Variants in ANXA4 observed in about 807,000 individuals in gnomAD.
ANXA4 encodes the protein annexin A4, also known as 35-beta calcimedin.
A neutral mutation model predicts 49.8 loss-of-function variants in ANXA4; 39 were observed. The observed-to-expected ratio is 0.78, with a 90% CI of 0.61 to 1.02. The LOEUF (loss-of-function observed/expected upper bound fraction) is 1.02. Ranked by LOEUF, ANXA4 falls within the 50% of genes least tolerant of loss-of-function variation. The pLI is 0.00. For missense variants in ANXA4, 360 were observed against 410.1 expected, an observed-to-expected ratio of 0.88 and a Z score of 1.05; for synonymous variants, 134 against 152.5, an observed-to-expected ratio of 0.88 and a Z score of 0.89.
intron 1 of ANXA4, among the ~76,000 whole-genome samples, chr2:69,768,641 G>A (rs1380095771): frequency 2.0e-5 from 3 of 152,244 alleles, no homozygotes; most frequent in Non-Finnish European, 4.4e-5. Context: ...TGTTGAATGA[G>A]TAGGTGAATG....
intron 3 of ANXA4, among the ~76,000 whole-genome samples, chr2:69,721,133 C>G (rs6761399): frequency 0.28 from 42,759 of 152,228 alleles, 9,391 homozygotes; most frequent in African/African-American, 0.59. Context: ...TGCTGCTTCA[C>G]ATGTGGCATG....
chr2:69,811,129 G>C (rs1053498619), intron 7 of ANXA4: 4 of 157,042 alleles, frequency 2.5e-5, no homozygotes, highest in African/African-American at 9.6e-5. Flanking sequence ...GGTTCAGAGA[G>C]GACTTGGAGG....
intron 3 of ANXA4, among the ~76,000 whole-genome samples, chr2:69,735,864 G>T (rs571351476): frequency 6.6e-6 from 1 of 152,164 alleles, no homozygotes; most frequent in Non-Finnish European, 1.5e-5. Flanking sequence ...ATGAGACAGC[G>T]ATCATACTGG....
chr2:69,709,636 C>G (rs546589882), intron 2 of ANXA4, among the ~76,000 whole-genome samples: 70 of 152,312 alleles, frequency 4.6e-4, no homozygotes, highest in African/African-American at 1.6e-3. Context: ...ATCTACATGG[C>G]AACCTCGCTA....
At chr2:69,816,590 C>G (rs1216640070) in intron 9 of ANXA4, 3 of 163,696 alleles carry the variant, frequency 1.8e-5, no homozygotes, top group African/African-American at 7.2e-5. Flanking sequence ...AATATCCAAG[C>G]TGTAAAGCTA....
intron 8 of ANXA4, among the ~76,000 whole-genome samples, chr2:69,814,066 A>G (rs996124911): frequency 7.2e-5 from 11 of 151,836 alleles, no homozygotes; most frequent in African/African-American, 2.7e-4. Flanking sequence ...CCATAGACCC[A>G]GTATTCTTAA....
intron 2 of ANXA4, among the ~76,000 whole-genome samples, chr2:69,714,092 C>G (rs1355199): frequency 0.14 from 21,857 of 152,214 alleles, 2,226 homozygotes; most frequent in East Asian, 0.37. Context: ...TCTCTCCAGG[C>G]TTTTGAAGAC....
At chr2:69,690,502 G>A (rs1214852275) in intron 2 of ANXA4, among the ~76,000 whole-genome samples, 1 of 152,082 alleles carries the variant, frequency 6.6e-6, no homozygotes, top group Non-Finnish European at 1.5e-5. Context: ...GCCTCCCAAA[G>A]TGCTGGGATT....
At position 69,674,991 on chromosome 2, in the gene ANXA4, C is replaced by T. The variant is rs543025657; in HGVS notation, n.766+21709C>T. The stretch of plus-strand genomic sequence containing the variant: ...AGGCTGGAGTGCAGTGGCACCATCT[C>T]GGCTCACTGCAACCTCCACCTCCCG... On this transcript the variant is annotated intron_variant and non_coding_transcript_variant, in intron 2 of 3. Coordinates refer to the ANXA4 transcript ENST00000418066. Among the ~76,000 whole-genome samples the T allele has an allele frequency of 8.7e-4, 129 of 148,298 alleles. 1 individual carries two copies. The highest frequency in any genetic ancestry group is 1.7e-3 in the Non-Finnish European group (115 of 67,532).
At chr2:69,780,635 G>A (rs1297559433) in intron 1 of ANXA4, among the ~76,000 whole-genome samples, 4 of 152,168 alleles carry the variant, frequency 2.6e-5, no homozygotes, top group African/African-American at 7.2e-5. Flanking sequence ...CCAGTGACTC[G>A]GGAGGCTGAG....
At chr2:69,765,643 C>T (rs181843306) in intron 1 of ANXA4, among the ~76,000 whole-genome samples, 65 of 152,266 alleles carry the variant, frequency 4.3e-4, no homozygotes, top group Non-Finnish European at 8.4e-4. Flanking sequence ...TTCGTTCTAG[C>T]GTTTCATGTA....
At chr2:69,680,939 A>G (rs890517732) in intron 2 of ANXA4, among the ~76,000 whole-genome samples, 4 of 152,134 alleles carry the variant, frequency 2.6e-5, no homozygotes, top group Non-Finnish European at 5.9e-5. Context: ...ATCTGTGTTC[A>G]TCGGGGATAA....
At chr2:69,746,835 A>AAAACTAT (rs1379950144) in intron 1 of ANXA4, among the ~76,000 whole-genome samples, 1 of 151,990 alleles carries the variant, frequency 6.6e-6, no homozygotes, top group African/African-American at 2.4e-5. Flanking sequence ...ATGAAAAAAA[A>AAAACTAT]AAAACTATAA....
At chr2:69,777,567 T>C (rs774509722) in intron 1 of ANXA4, among the ~76,000 whole-genome samples, 1 of 152,178 alleles carries the variant, frequency 6.6e-6, no homozygotes, top group Non-Finnish European at 1.5e-5. Context: ...GGAGAACAGG[T>C]GTATATCCCT....
chr2:69,794,654 C>T (rs1468223727), intron 3 of ANXA4, among the ~76,000 whole-genome samples: 1 of 152,112 alleles, frequency 6.6e-6, no homozygotes, highest in Non-Finnish European at 1.5e-5. Flanking sequence ...GCTCTGCCTT[C>T]CGAGTTCACG....
At chr2:69,692,056 T>C (rs377669942) in intron 2 of ANXA4, among the ~76,000 whole-genome samples, 1 of 152,132 alleles carries the variant, frequency 6.6e-6, no homozygotes, top group Admixed American at 6.5e-5. Context: ...TGGCTAATTT[T>C]TGTATTTTTG....
intron 2 of ANXA4, among the ~76,000 whole-genome samples, chr2:69,687,570 G>A (rs1486479348): frequency 6.6e-6 from 1 of 152,070 alleles, no homozygotes; most frequent in Non-Finnish European, 1.5e-5. Context: ...TACAGGCAAA[G>A]CTATCTAAAG....
chr2:69,715,170 G>T (rs1309973323), intron 2 of ANXA4, among the ~76,000 whole-genome samples: 1 of 151,974 alleles, frequency 6.6e-6, no homozygotes, highest in Non-Finnish European at 1.5e-5. Context: ...CTAAAATAAG[G>T]CCCTGCCTCA....
At chr2:69,800,934 G>T (rs1323848954) in intron 3 of ANXA4, among the ~76,000 whole-genome samples, 1 of 152,126 alleles carries the variant, frequency 6.6e-6, no homozygotes, top group East Asian at 1.9e-4. Context: ...AGAAAAATGG[G>T]TTACCAATTC....
Sources: gnomAD v4.1 joint callset for allele counts (sites outside exome capture counted in the v4.1 genomes callset) on GRCh38, gnomAD v4.1.1 for gene constraint, MANE v1.5 for transcripts, NCBI Gene and HGNC (gene_info 2026-07-23, HGNC 2026-07-21) for gene names.